The following ATAD2 variants were observed in gnomAD, a reference collection of about 807,000 sequenced individuals.
The protein encoded by ATAD2 is ATPase family AAA domain-containing protein 2.
Under a neutral mutation model 168.9 loss-of-function variants are expected in ATAD2, and 62 were observed. The ratio of observed to expected loss-of-function variants is 0.37; its 90% CI spans 0.30 to 0.45. The LOEUF is 0.45. ATAD2 is among the 20% of genes least tolerant of loss of function. The pLI is 1.00. For missense variants in ATAD2, 1,419 were observed against 1,667.8 expected (o/e 0.85, Z 2.60); for synonymous variants, 613 against 571.6 (o/e 1.07, Z -1.03).
chr8:123,396,163 A>G (rs2129990711), intron 1 of ATAD2, 24 bp downstream of exon 1: 1 of 1,538,558 alleles, frequency 6.5e-7, no homozygotes, highest in Non-Finnish European at 8.7e-7. Context: ...CCGCCCTGGG[A>G]GCCCGCCTCA....
chr8:123,329,232 G>T (rs1167694146), intron 24 of ATAD2, among the ~76,000 whole-genome samples: 2 of 152,092 alleles, frequency 1.3e-5, no homozygotes, highest in African/African-American at 4.8e-5. Flanking sequence ...ACTTGAAATA[G>T]GCTACACTTA....
rs145687855 is a variant in ATAD2, at chr8:123,375,536, C to T, written c.321-2850G>A. Among the ~76,000 whole-genome samples the T allele has an allele frequency of 1.4e-3, 215 of 152,316 alleles. 1 individual carries two copies. In the South Asian group the frequency reaches 0.028, roughly 20 times the overall value. ...AGGTGTATACCCAAAAGAACTAACA[C>T]CTACCTCCACATAAAAATGTGTATA... On this transcript the variant is annotated intron_variant, in intron 2 of 27. Transcript: ENST00000287394.
At chr8:123,358,360 T>C (rs942884182) in intron 11 of ATAD2, among the ~76,000 whole-genome samples, 2 of 152,090 alleles carry the variant, frequency 1.3e-5, no homozygotes, top group African/African-American at 4.8e-5. Context: ...CTATTTTTTT[T>C]TTGAGACAGA....
intron 21 of ATAD2, among the ~76,000 whole-genome samples, 172 bp downstream of exon 21, chr8:123,337,453 C>G (rs995632513): frequency 6.6e-6 from 1 of 152,160 alleles, no homozygotes. Context: ...AAGGAAAATG[C>G]GTTACCCTGC....
intron 8 of ATAD2, among the ~76,000 whole-genome samples, chr8:123,365,276 C>T (rs1222363312): frequency 6.6e-6 from 1 of 152,058 alleles, no homozygotes; most frequent in Non-Finnish European, 1.5e-5. Context: ...AAAGAAATAA[C>T]AGATGACACA....
chr8:123,365,194 A>G (rs1363817088), intron 8 of ATAD2, among the ~76,000 whole-genome samples: 1 of 152,218 alleles, frequency 6.6e-6, no homozygotes, highest in Non-Finnish European at 1.5e-5. Flanking sequence ...GCAAAATAAA[A>G]TAAAATACTT....
chr8:123,329,715 G>A (rs1171111213), intron 24 of ATAD2, among the ~76,000 whole-genome samples: 1 of 123,464 alleles, frequency 8.1e-6, no homozygotes, highest in Non-Finnish European at 1.6e-5. Flanking sequence ...TCATGCCACT[G>A]CACTCTAGCT....
At chr8:123,408,785 G>A (rs1386143523) in intron 1 of ATAD2, among the ~76,000 whole-genome samples, 1 of 152,060 alleles carries the variant, frequency 6.6e-6, no homozygotes, top group Non-Finnish European at 1.5e-5. Flanking sequence ...CCAAAGTGTT[G>A]GGATTACAGG....
chr8:123,353,334 A>T (rs1047556609), intron 13 of ATAD2, among the ~76,000 whole-genome samples: 1 of 152,158 alleles, frequency 6.6e-6, no homozygotes, highest in African/African-American at 2.4e-5. Flanking sequence ...ACTGCACTCC[A>T]GCCTGGGTGA....
intron 3 of ATAD2, 82 bp from the exon 4 acceptor site, chr8:123,371,917 A>G: frequency 7.8e-7 from 1 of 1,274,220 alleles, no homozygotes; most frequent in Non-Finnish European, 1.0e-6. Flanking sequence ...GAACAATTGA[A>G]AAGCTATACT....
rs562361622 is a variant in ATAD2, at chr8:123,372,612, C to G, written c.370+25G>C. 4.5e-5 allele frequency: 68 copies of G among 1,527,420 alleles called. No individual in the cohort carries two copies. In the South Asian group the frequency reaches 5.8e-4, roughly 13 times the overall value. The allele number at this position is 1,527,420 out of a possible 1,614,324, so 94.6% of individuals were successfully genotyped here. On this transcript the variant is annotated intron_variant, in intron 3 of 27. Transcript: ENST00000287394. ...GAATATTAATTACACATTTTAAGAT[C>G]TGAAATGACTTTAACAGTACTTACC...
intron 2 of ATAD2, among the ~76,000 whole-genome samples, chr8:123,377,627 G>A (rs1175169070): frequency 6.6e-6 from 1 of 152,162 alleles, no homozygotes; most frequent in Non-Finnish European, 1.5e-5. Flanking sequence ...GTGTATGAAT[G>A]TGGTATTGAC....
intron 1 of ATAD2, among the ~76,000 whole-genome samples, chr8:123,383,398 CTGAA>C (rs1438748813): frequency 6.6e-6 from 1 of 152,106 alleles, no homozygotes; most frequent in African/African-American, 2.4e-5. Flanking sequence ...CTCACCCATT[CTGAA>C]TTTCACTATT....
chr8:123,327,231 C>T (rs1211811427), intron 25 of ATAD2, among the ~76,000 whole-genome samples: 1 of 152,102 alleles, frequency 6.6e-6, no homozygotes, highest in African/African-American at 2.4e-5. Context: ...TAAGGATATA[C>T]ATCTAATTGT....
chr8:123,353,647 G>A (rs182031754), intron 13 of ATAD2, among the ~76,000 whole-genome samples: 3 of 151,812 alleles, frequency 2.0e-5, no homozygotes, highest in African/African-American at 4.8e-5. Flanking sequence ...GTTACAATCC[G>A]CCATCTCTCC....
chr8:123,338,327 C>T (rs1338649072), intron 20 of ATAD2, among the ~76,000 whole-genome samples: 1 of 151,492 alleles, frequency 6.6e-6, no homozygotes, highest in East Asian at 1.9e-4. Context: ...TGCACTCCAG[C>T]CTGGGTGACA....
intron 1 of ATAD2, among the ~76,000 whole-genome samples, chr8:123,392,052 G>A (rs948520972): frequency 2.0e-5 from 3 of 150,850 alleles, no homozygotes; most frequent in African/African-American, 4.8e-5. Flanking sequence ...CCACAAATAC[G>A]GGATTTATGG....
At chr8:123,329,746 CAAAAAAAAAAAA>C (rs68104102) in intron 24 of ATAD2, among the ~76,000 whole-genome samples, 12 of 84,386 alleles carry the variant, frequency 1.4e-4, no homozygotes, top group African/African-American at 3.0e-4. Flanking sequence ...AACTCCGTCT[CAAAAAAAAAAAA>C]AAAAAAAAAA....
At chr8:123,356,228 C>A in intron 13 of ATAD2, 161 bp downstream of exon 13, 1 of 431,024 alleles carries the variant, frequency 2.3e-6, no homozygotes. Context: ...CTGCAACCAT[C>A]CACATTTTTT....
Sources: allele counts gnomAD v4.1 joint callset (sites outside exome capture counted in the v4.1 genomes callset), GRCh38; gene constraint gnomAD v4.1.1; transcripts MANE v1.5; gene names NCBI Gene and HGNC (gene_info 2026-07-23, HGNC 2026-07-21).